The following ANKS1B variants were observed in gnomAD, a reference collection of about 807,000 sequenced individuals.
ANKS1B encodes the protein ankyrin repeat and sterile alpha motif domain containing 1B, also known as ankyrin repeat and sterile alpha motif domain-containing protein 1B.
ANKS1B carries 36 observed loss-of-function variants against 148.3 expected under a neutral mutation model. The ratio of observed to expected loss-of-function variants is 0.24; its 90% CI spans 0.19 to 0.32. The LOEUF (loss-of-function observed/expected upper bound fraction) is 0.32, where lower values mean the gene tolerates loss of function less well. Ranked by LOEUF, ANKS1B falls within the 10% of genes least tolerant of loss-of-function variation. The probability of loss-of-function intolerance (pLI) is 1.00; values close to 1 mark genes in which losing one functional copy is unlikely to be tolerated. For synonymous variants in ANKS1B, 542 were observed against 560.8 expected (o/e 0.97, Z 0.47); for missense variants, 1,157 against 1,542.6 (o/e 0.75, Z 4.19).
chr12:99,512,745 T>C (rs887258445), intron 9 of ANKS1B, among the ~76,000 whole-genome samples: 3 of 152,054 alleles, frequency 2.0e-5, no homozygotes, highest in African/African-American at 7.2e-5. Context: ...GATCATGTCC[T>C]TTGCAGGGAC....
chr12:98,894,350 C>T (rs1351224699), intron 17 of ANKS1B, among the ~76,000 whole-genome samples: 1 of 151,620 alleles, frequency 6.6e-6, no homozygotes, highest in African/African-American at 2.4e-5. Context: ...CCTCGGAACC[C>T]CAAGAATGAG....
At chr12:98,811,539 C>G (rs2099095861) in intron 19 of ANKS1B, among the ~76,000 whole-genome samples, 1 of 152,168 alleles carries the variant, frequency 6.6e-6, no homozygotes, top group Non-Finnish European at 1.5e-5. Context: ...CTGCAGGCAC[C>G]CCCAAGCCAG....
chr12:98,897,980 T>C (rs986707381), intron 17 of ANKS1B, among the ~76,000 whole-genome samples: 4 of 152,148 alleles, frequency 2.6e-5, no homozygotes, highest in Admixed American at 2.0e-4. Context: ...CCACATGTTC[T>C]CATTTACAAG....
At chr12:99,418,023 A>C (rs1233811860) in intron 11 of ANKS1B, among the ~76,000 whole-genome samples, 1 of 152,232 alleles carries the variant, frequency 6.6e-6, no homozygotes, top group East Asian at 1.9e-4. Context: ...TAACTTTCCC[A>C]AACAAAAGCT....
chr12:99,789,195 G>T (rs935536934), intron 4 of ANKS1B, among the ~76,000 whole-genome samples: 4 of 152,162 alleles, frequency 2.6e-5, no homozygotes, highest in Admixed American at 2.0e-4. Flanking sequence ...TGAGAGAAAG[G>T]AGAAAGAAGA....
chr12:98,897,723 C>T (rs1046311878), intron 17 of ANKS1B, among the ~76,000 whole-genome samples: 1 of 152,148 alleles, frequency 6.6e-6, no homozygotes, highest in Non-Finnish European at 1.5e-5. Flanking sequence ...TGGGTATCTA[C>T]TCAAAGGAAA....
intron 9 of ANKS1B, among the ~76,000 whole-genome samples, chr12:99,545,799 A>T (rs1459099317): frequency 6.8e-6 from 1 of 147,460 alleles, no homozygotes; most frequent in Admixed American, 6.8e-5. Context: ...TATATATATA[A>T]AATTATTGCA....
At position 99,298,304 on chromosome 12, in the gene ANKS1B, A is replaced by G. The variant is rs542389563; in HGVS notation, c.1757-51440T>C. On this transcript the variant is annotated intron_variant, in intron 12 of 26. Transcript: ENST00000683438. ...GTGTCAAGGGCAGGGCCATGTGTAG[A>G]TAATTGAATCATGGGGGTGGTTTCC... 2.6e-5 allele frequency among the ~76,000 whole-genome samples: 4 copies of G among 152,342 alleles called. No homozygotes were observed. The East Asian group carries it at 7.7e-4, about 29-fold the overall frequency.
At chr12:99,252,953 G>A (rs2074806217) in intron 12 of ANKS1B, among the ~76,000 whole-genome samples, 1 of 152,196 alleles carries the variant, frequency 6.6e-6, no homozygotes, top group South Asian at 2.1e-4. Context: ...GCCAGGTGCA[G>A]TGGCTCACAC....
intron 9 of ANKS1B, among the ~76,000 whole-genome samples, chr12:99,611,917 T>C (rs1025307038): frequency 6.6e-6 from 1 of 152,080 alleles, no homozygotes; most frequent in East Asian, 1.9e-4. Context: ...ATTATTCCTG[T>C]CATCAGTAAC....
At chr12:99,786,990 AT>A (rs1274081600) in intron 4 of ANKS1B, among the ~76,000 whole-genome samples, 1 of 152,244 alleles carries the variant, frequency 6.6e-6, no homozygotes, top group Non-Finnish European at 1.5e-5. Context: ...CAAAAGAATA[AT>A]TATCAAAATT....
At chr12:99,171,057 G>A (rs1211722899) in intron 14 of ANKS1B, among the ~76,000 whole-genome samples, 1 of 152,204 alleles carries the variant, frequency 6.6e-6, no homozygotes, top group African/African-American at 2.4e-5. Context: ...AAGTGCTGGT[G>A]TCTATGTGAG....
At chr12:99,948,390 G>GA (rs969978738) in intron 1 of ANKS1B, among the ~76,000 whole-genome samples, 12 of 143,176 alleles carry the variant, frequency 8.4e-5, no homozygotes, top group Middle Eastern at 3.6e-3. Context: ...AAAAAAAAAA[G>GA]AAAAAAAAAG....
chr12:99,974,290 A>T (rs2095598389), intron 1 of ANKS1B, among the ~76,000 whole-genome samples: 2 of 152,238 alleles, frequency 1.3e-5, no homozygotes, highest in African/African-American at 4.8e-5. Context: ...AATATAGTGT[A>T]AACATAACTT....
chr12:99,651,332 T>C (rs148686899), intron 9 of ANKS1B, among the ~76,000 whole-genome samples: 344 of 152,266 alleles, frequency 2.3e-3, no homozygotes, highest in African/African-American at 7.8e-3. Flanking sequence ...AAATCACTTT[T>C]CAGCAAATAA....
chr12:99,193,478 C>T (rs2080996811), intron 14 of ANKS1B, among the ~76,000 whole-genome samples: 1 of 152,146 alleles, frequency 6.6e-6, no homozygotes, highest in African/African-American at 2.4e-5. Context: ...ACTGTTCATT[C>T]TTCATTAAAC....
In ANKS1B at chr12:99,053,217, T is replaced by C. The variant is rs1460512377; in HGVS notation, c.2718A>G (p.Leu906=). The C allele has an allele frequency of 3.1e-6, 5 of 1,610,888 alleles. No individual in the cohort carries two copies. The highest frequency in any genetic ancestry group is 3.4e-5 in the Admixed American group (2 of 59,688). Reference sequence around the variant, plus strand: ...GGTCCATCGAAGTGTAGCCATTAATTAGAAAGGCTTTGGTGTAGTCGCCCA... The same window carrying C: ...GGTCCATCGAAGTGTAGCCATTAATCAGAAAGGCTTTGGTGTAGTCGCCCA... ...IELGDYTKAF[L]INGYTSMDLL... Residue 906 remains leucine (L), a synonymous_variant, in exon 17 of 27, where the codon CTA becomes CTG. Transcript: ENST00000683438.
At chr12:99,665,872 A>T (rs78776301) in intron 8 of ANKS1B, among the ~76,000 whole-genome samples, 2 of 152,350 alleles carry the variant, frequency 1.3e-5, no homozygotes, top group South Asian at 4.1e-4. Flanking sequence ...TGGTGAATAT[A>T]TAAGAAATCT....
chr12:98,810,141 C>T (rs1464485495), intron 19 of ANKS1B, among the ~76,000 whole-genome samples: 1 of 152,228 alleles, frequency 6.6e-6, no homozygotes, highest in East Asian at 1.9e-4. Context: ...CCCTGCTCCA[C>T]CAGCCATAAC....
Sources: gnomAD v4.1 joint callset for allele counts (sites outside exome capture counted in the v4.1 genomes callset) on GRCh38, gnomAD v4.1.1 for gene constraint, MANE v1.5 for transcripts, NCBI Gene and HGNC (gene_info 2026-07-23, HGNC 2026-07-21) for gene names.